Variants in ERBB4 observed in about 807,000 individuals in gnomAD.
ERBB4 encodes receptor tyrosine-protein kinase erbB-4.
A neutral mutation model predicts 158.0 loss-of-function variants in ERBB4; 42 were observed. The observed-to-expected ratio is 0.27, with a 90% CI of 0.21 to 0.34. The LOEUF is 0.34. ERBB4 is among the 10% of genes least tolerant of loss of function. The pLI, the probability that ERBB4 is intolerant of heterozygous loss-of-function variation, is 1.00. For synonymous variants in ERBB4, 583 were observed against 558.7 expected (o/e 1.04, Z -0.61); for missense variants, 1,333 against 1,624.1 (o/e 0.82, Z 3.08).
chr2:211,540,689 G>A (rs988462445), intron 20 of ERBB4, among the ~76,000 whole-genome samples: 1 of 151,472 alleles, frequency 6.6e-6, no homozygotes, highest in Non-Finnish European at 1.5e-5. Context: ...TCAGCCTCCC[G>A]AGTATAAGCT....
rs552318708 is a variant in ERBB4, at chr2:212,364,445, C to A, written c.82+174004G>T. Among the ~76,000 whole-genome samples the A allele has an allele frequency of 2.6e-5, 4 of 151,698 alleles. No individual in the cohort carries two copies. In the Admixed American group the frequency reaches 2.6e-4, roughly 10 times the overall value. On this transcript the variant is annotated intron_variant, in intron 1 of 27. Coordinates refer to ENST00000342788, the MANE Select transcript of ERBB4 (RefSeq NM_005235.3). Reference sequence around the variant, plus strand: ...GCCAGGGATAATGCAACTGGGCAGCCTTTACAAGCAAAACAAAACACCAAA... The same window carrying A: ...GCCAGGGATAATGCAACTGGGCAGCATTTACAAGCAAAACAAAACACCAAA...
intron 1 of ERBB4, among the ~76,000 whole-genome samples, chr2:212,395,761 A>G (rs112271765): frequency 0.16 from 23,601 of 151,850 alleles, 2,620 homozygotes; most frequent in African/African-American, 0.32. Context: ...CTGGGACTAC[A>G]GACATGTGCC....
At chr2:212,374,479 AG>A (rs1242285650) in intron 1 of ERBB4, among the ~76,000 whole-genome samples, 2 of 152,056 alleles carry the variant, frequency 1.3e-5, no homozygotes, top group Non-Finnish European at 2.9e-5. Flanking sequence ...CTTGCATAAA[AG>A]CAAACGATGT....
chr2:212,078,243 T>C lies in ERBB4; in HGVS notation c.234+46509A>G, dbSNP rs1021041477. On this transcript the variant is annotated intron_variant, in intron 2 of 27. Coordinates refer to ENST00000342788, the MANE Select transcript of ERBB4 (RefSeq NM_005235.3). Reference sequence around the variant, plus strand: ...AACTTCACTTTAACCTTGCTTTTAGTTTTAATGTTTTAGTTTCATTTTTGT... The same window carrying C: ...AACTTCACTTTAACCTTGCTTTTAGCTTTAATGTTTTAGTTTCATTTTTGT... 2.0e-5 allele frequency among the ~76,000 whole-genome samples: 3 copies of C among 152,030 alleles called. 1 individual carries two copies. The South Asian group carries it at 6.2e-4, about 31-fold the overall frequency.
chr2:212,358,177 T>G (rs991544379), intron 1 of ERBB4, among the ~76,000 whole-genome samples: 1 of 151,884 alleles, frequency 6.6e-6, no homozygotes, highest in African/African-American at 2.4e-5. Context: ...AAAGAACTAT[T>G]TAAATCTTTC....
At chr2:212,124,681 A>G in intron 2 of ERBB4, 71 bp downstream of exon 2, 1 of 1,549,130 alleles carries the variant, frequency 6.5e-7, no homozygotes, top group Non-Finnish European at 8.9e-7. Flanking sequence ...GTATCAGCAC[A>G]CAGGTCTGCC....
intron 16 of ERBB4, among the ~76,000 whole-genome samples, chr2:211,656,380 C>G (rs1432296761): frequency 6.6e-6 from 1 of 152,186 alleles, no homozygotes; most frequent in South Asian, 2.1e-4. Flanking sequence ...ACTACCTTCT[C>G]TCTCCTAAAA....
intron 3 of ERBB4, among the ~76,000 whole-genome samples, chr2:211,856,267 T>C (rs2077857459): frequency 6.6e-6 from 1 of 152,160 alleles, no homozygotes; most frequent in Admixed American, 6.5e-5. Context: ...GATAATGCCC[T>C]TTCTGATTTC....
At chr2:211,470,017 G>C (rs1274917403) in intron 20 of ERBB4, among the ~76,000 whole-genome samples, 1 of 151,764 alleles carries the variant, frequency 6.6e-6, no homozygotes, top group African/African-American at 2.4e-5. Context: ...GAGGAACAAG[G>C]TACAAGTAGG....
At chr2:212,479,998 T>C (rs921972891) in intron 1 of ERBB4, among the ~76,000 whole-genome samples, 2 of 152,182 alleles carry the variant, frequency 1.3e-5, no homozygotes, top group African/African-American at 4.8e-5. Context: ...GTCCTATACG[T>C]ATTTCTTCAT....
chr2:212,172,589 T>C lies in ERBB4; in HGVS notation c.83-47686A>G, dbSNP rs561907457. Among the ~76,000 whole-genome samples the C allele has an allele frequency of 2.0e-4, 31 of 152,242 alleles. 1 individual carries two copies. In the South Asian group the frequency reaches 5.0e-3, roughly 24 times the overall value. On this transcript the variant is annotated intron_variant, in intron 1 of 27. Coordinates refer to ENST00000342788, the MANE Select transcript of ERBB4 (RefSeq NM_005235.3). ...GTATATGTGTATATACACCATGGAATACTATGCAGCCATAAAAAGGAAGGA... is the reference window on the plus strand; with the variant it reads ...GTATATGTGTATATACACCATGGAACACTATGCAGCCATAAAAAGGAAGGA...
intron 2 of ERBB4, among the ~76,000 whole-genome samples, chr2:212,045,397 G>T (rs551194353): frequency 6.6e-6 from 1 of 152,218 alleles, no homozygotes; most frequent in Admixed American, 6.5e-5. Flanking sequence ...GACAGAGGTT[G>T]CAGTGAGCCA....
chr2:211,993,705 G>A (rs975198504), intron 2 of ERBB4, among the ~76,000 whole-genome samples: 5 of 149,936 alleles, frequency 3.3e-5, no homozygotes, highest in Admixed American at 1.3e-4. Flanking sequence ...TTTTGCCCCC[G>A]GTTATCTATT....
chr2:212,180,641 G>T (rs1244287007), intron 1 of ERBB4, among the ~76,000 whole-genome samples: 2 of 151,660 alleles, frequency 1.3e-5, no homozygotes, highest in African/African-American at 4.8e-5. Context: ...TTAAAATACG[G>T]AATTTCTATC....
intron 24 of ERBB4, 59 bp downstream of exon 24, chr2:211,421,948 C>G (rs957240883): frequency 1.0e-6 from 1 of 996,976 alleles, no homozygotes; most frequent in Non-Finnish European, 1.6e-6. Flanking sequence ...TGATACTACT[C>G]ATTTTGCAGT....
chr2:211,493,392 A>C (rs1345018632), intron 20 of ERBB4, among the ~76,000 whole-genome samples: 1 of 152,064 alleles, frequency 6.6e-6, no homozygotes, highest in African/African-American at 2.4e-5. Context: ...CTTAACCTGT[A>C]ATGTTGCAAT....
intron 20 of ERBB4, among the ~76,000 whole-genome samples, chr2:211,538,344 C>A (rs2066710882): frequency 1.3e-5 from 2 of 151,668 alleles, no homozygotes; most frequent in African/African-American, 4.8e-5. Flanking sequence ...GTGTATGTTC[C>A]TTATACAATA....
chr2:211,866,704 G>C (rs907202923), intron 3 of ERBB4, among the ~76,000 whole-genome samples: 3 of 151,916 alleles, frequency 2.0e-5, no homozygotes, highest in Non-Finnish European at 4.4e-5. Context: ...TAATCCCACT[G>C]TTTATAAAAA....
At chr2:212,198,876 C>T (rs1421405022) in intron 1 of ERBB4, among the ~76,000 whole-genome samples, 2 of 151,852 alleles carry the variant, frequency 1.3e-5, no homozygotes, top group African/African-American at 4.8e-5. Flanking sequence ...AACCACCACA[C>T]CTAGCCTATA....
Sources: gnomAD v4.1 joint callset for allele counts (sites outside exome capture counted in the v4.1 genomes callset) on GRCh38, gnomAD v4.1.1 for gene constraint, MANE v1.5 for transcripts, NCBI Gene and HGNC (gene_info 2026-07-23, HGNC 2026-07-21) for gene names.